The following RALYL variants were observed in gnomAD, a reference collection of about 807,000 sequenced individuals.
RALYL encodes RNA-binding Raly-like protein.
Under a neutral mutation model 35.1 loss-of-function variants are expected in RALYL, and 29 were observed. The observed-to-expected ratio is 0.83, with a 90% CI of 0.61 to 1.13. The LOEUF is 1.13. Among genes scored for constraint, RALYL ranks in the 50% most tolerant of loss-of-function variants. The pLI is 0.00. For missense variants in RALYL, 359 were observed against 360.4 expected (o/e 1.00, Z 0.03); for synonymous variants, 120 against 127.6 (o/e 0.94, Z 0.40).
intron 1 of RALYL, among the ~76,000 whole-genome samples, chr8:84,447,991 T>G (rs2049031216): frequency 6.6e-6 from 1 of 150,692 alleles, no homozygotes; most frequent in African/African-American, 2.4e-5. Context: ...AGAGCGAGAG[T>G]GAGGAGAGAG....
intron 1 of RALYL, among the ~76,000 whole-genome samples, chr8:84,357,108 G>C (rs751738698): frequency 1.3e-5 from 2 of 152,032 alleles, no homozygotes; most frequent in Non-Finnish European, 2.9e-5. Flanking sequence ...CAATCCTGCT[G>C]CACATTGGAA....
chr8:84,516,672 G>A (rs960199060), intron 1 of RALYL, among the ~76,000 whole-genome samples: 9 of 152,130 alleles, frequency 5.9e-5, no homozygotes, highest in African/African-American at 2.2e-4. Flanking sequence ...TCTCCACTTT[G>A]CTGGGGTGAA....
intron 1 of RALYL, among the ~76,000 whole-genome samples, chr8:84,425,850 T>TTGATAGAACTTGAG (rs1157177576): frequency 2.6e-5 from 4 of 151,074 alleles, no homozygotes; most frequent in Non-Finnish European, 5.9e-5. Flanking sequence ...TAGTCAGCTA[T>TTGATAGAACTTGAG]TGATAGAACT....
chr8:84,319,610 C>T (rs910847991), intron 1 of RALYL, among the ~76,000 whole-genome samples: 3 of 152,070 alleles, frequency 2.0e-5, no homozygotes, highest in Non-Finnish European at 2.9e-5. Context: ...GTCTTTTTAA[C>T]TTTCCACTTC....
At chr8:84,486,268 G>A (rs891402354) in intron 1 of RALYL, among the ~76,000 whole-genome samples, 1 of 138,668 alleles carries the variant, frequency 7.2e-6, no homozygotes, top group Non-Finnish European at 1.6e-5. Flanking sequence ...TTCAACTTTT[G>A]TCATGATTAT....
intron 1 of RALYL, among the ~76,000 whole-genome samples, chr8:84,378,805 T>A (rs1206605683): frequency 1.3e-5 from 2 of 151,934 alleles, no homozygotes; most frequent in Non-Finnish European, 2.9e-5. Context: ...TTTGAGTTTG[T>A]TATCATATGT....
chr8:84,737,410 G>A (rs1200764368), intron 2 of RALYL, among the ~76,000 whole-genome samples: 2 of 151,802 alleles, frequency 1.3e-5, no homozygotes, highest in Non-Finnish European at 2.9e-5. Flanking sequence ...AGATATTTTA[G>A]ATTACCTCTT....
intron 5 of RALYL, among the ~76,000 whole-genome samples, chr8:84,855,149 C>A (rs767594467): frequency 6.6e-6 from 1 of 152,170 alleles, no homozygotes; most frequent in Non-Finnish European, 1.5e-5. Context: ...TTGCTCCAAC[C>A]TTGCAGTCTC....
intron 1 of RALYL, among the ~76,000 whole-genome samples, chr8:84,423,945 G>T (rs1185504280): frequency 4.6e-5 from 7 of 151,758 alleles, no homozygotes; most frequent in Admixed American, 3.9e-4. Context: ...GCTTCCCTTT[G>T]AGGGTAACCT....
At chr8:84,755,779 T>C (rs1176155063) in intron 2 of RALYL, among the ~76,000 whole-genome samples, 4 of 152,012 alleles carry the variant, frequency 2.6e-5, no homozygotes, top group Admixed American at 2.0e-4. Flanking sequence ...TCTACAATAT[T>C]GTGCCTAAAA....
intron 1 of RALYL, among the ~76,000 whole-genome samples, chr8:84,308,016 C>G (rs998463691): frequency 6.6e-4 from 99 of 149,800 alleles, no homozygotes; most frequent in Non-Finnish European, 1.0e-4. Context: ...CGCTCAAAAC[C>G]GTAGGTCAGA....
chr8:84,803,157 A>ATGTC (rs1823756906), intron 3 of RALYL, among the ~76,000 whole-genome samples: 1 of 152,210 alleles, frequency 6.6e-6, no homozygotes, highest in Admixed American at 6.5e-5. Context: ...TGTCTGATAA[A>ATGTC]TGTCAGGCTG....
intron 2 of RALYL, among the ~76,000 whole-genome samples, chr8:84,773,705 C>T (rs1183561376): frequency 2.0e-5 from 3 of 152,116 alleles, no homozygotes; most frequent in Non-Finnish European, 4.4e-5. Flanking sequence ...CTACATATTC[C>T]AGTTGCTGAG....
intron 1 of RALYL, among the ~76,000 whole-genome samples, chr8:84,524,714 T>TAA (rs1464408560): frequency 2.0e-5 from 3 of 152,166 alleles, no homozygotes; most frequent in African/African-American, 4.8e-5. Flanking sequence ...AAATAGAAAT[T>TAA]AAAAGGCTTT....
At chr8:84,217,653 A>T (rs1290347698) in intron 1 of RALYL, among the ~76,000 whole-genome samples, 1 of 152,084 alleles carries the variant, frequency 6.6e-6, no homozygotes, top group African/African-American at 2.4e-5. Context: ...CATGGTCCAT[A>T]TGTAGTGGGA....
At chr8:84,870,912 T>C (rs1319897434) in intron 6 of RALYL, among the ~76,000 whole-genome samples, 1 of 152,124 alleles carries the variant, frequency 6.6e-6, no homozygotes, top group African/African-American at 2.4e-5. Flanking sequence ...TGAAGTGTGA[T>C]GAGGAAACGA....
At chr8:84,625,814 T>G (rs886504285) in intron 2 of RALYL, among the ~76,000 whole-genome samples, 1 of 151,390 alleles carries the variant, frequency 6.6e-6, no homozygotes, top group African/African-American at 2.4e-5. Flanking sequence ...TCAGCAGGAG[T>G]TTTTGTTAGA....
chr8:84,349,596 C>G (rs1024125053), intron 1 of RALYL, among the ~76,000 whole-genome samples: 1 of 150,278 alleles, frequency 6.7e-6, no homozygotes, highest in East Asian at 1.9e-4. Flanking sequence ...TCTCTCCCCC[C>G]ACCTACCCTT....
At chr8:84,235,322 A>T (rs578053493) in intron 1 of RALYL, among the ~76,000 whole-genome samples, 1 of 152,226 alleles carries the variant, frequency 6.6e-6, no homozygotes, top group Non-Finnish European at 1.5e-5. Flanking sequence ...GATTTGGGGC[A>T]ACTGAACCAC....
Sources: allele counts gnomAD v4.1 joint callset (sites outside exome capture counted in the v4.1 genomes callset), GRCh38; gene constraint gnomAD v4.1.1; transcripts MANE v1.5; gene names NCBI Gene and HGNC (gene_info 2026-07-23, HGNC 2026-07-21).